EXOC6: variants seen among roughly 807,000 people sequenced by gnomAD.
The protein encoded by EXOC6 is SEC15-like 1.
Under a neutral mutation model 112.5 loss-of-function variants are expected in EXOC6, and 60 were observed. The ratio of observed to expected loss-of-function variants is 0.53; its 90% CI spans 0.43 to 0.66. The LOEUF is 0.66. Ranked by LOEUF, EXOC6 falls within the 30% of genes least tolerant of loss-of-function variation. The pLI is 0.00. For synonymous variants in EXOC6, 295 were observed against 308.0 expected (o/e 0.96, Z 0.44); for missense variants, 855 against 957.1 (o/e 0.89, Z 1.41).
chr10:92,995,902 GTTGT>G (rs1269377357), intron 18 of EXOC6, among the ~76,000 whole-genome samples: 3 of 152,144 alleles, frequency 2.0e-5, no homozygotes, highest in East Asian at 1.9e-4. Flanking sequence ...CATTCAAAAA[GTTGT>G]TTGTTTCTAG....
At chr10:92,850,609 GT>G (rs1329506383) in intron 1 of EXOC6, among the ~76,000 whole-genome samples, 1 of 152,048 alleles carries the variant, frequency 6.6e-6, no homozygotes, top group African/African-American at 2.4e-5. Flanking sequence ...AAGTAAAATA[GT>G]GTAATGAACC....
intron 1 of EXOC6, among the ~76,000 whole-genome samples, chr10:92,859,820 CAT>C (rs761256156): frequency 0.032 from 3,309 of 103,456 alleles, 95 homozygotes; most frequent in Admixed American, 0.11. Flanking sequence ...CGTTTGTGTG[CAT>C]GTGTGTGTGT....
chr10:93,027,921 G>A (rs1189065021), intron 20 of EXOC6, among the ~76,000 whole-genome samples: 1 of 152,172 alleles, frequency 6.6e-6, no homozygotes, highest in Non-Finnish European at 1.5e-5. Context: ...AAAGGCTACA[G>A]CTACCATAGA....
intron 17 of EXOC6, among the ~76,000 whole-genome samples, chr10:92,958,484 T>G (rs149966149): frequency 0.015 from 2,236 of 152,094 alleles, 51 homozygotes; most frequent in African/African-American, 0.052. Flanking sequence ...CTAACTTGCC[T>G]TTTTTTTGTT....
intron 1 of EXOC6, among the ~76,000 whole-genome samples, chr10:92,879,717 TTA>T (rs1848856465): frequency 6.6e-6 from 1 of 152,184 alleles, no homozygotes; most frequent in Non-Finnish European, 1.5e-5. Flanking sequence ...TATGTAACTT[TTA>T]TATATTTATT....
chr10:92,877,541 A>G (rs1848734873), intron 1 of EXOC6, among the ~76,000 whole-genome samples: 1 of 152,178 alleles, frequency 6.6e-6, no homozygotes, highest in Admixed American at 6.6e-5. Flanking sequence ...ATACAGATGG[A>G]AAAAGATGAT....
Position 92,955,948 on chromosome 10 carries a change from T to A in EXOC6, c.1773+234T>A, listed in dbSNP as rs372438173. ...TACAGTGTATTATGCTTTGTTCATG[T>A]TTTGATGATTTATAGTAGTGCTGAC... On this transcript the variant is annotated intron_variant, in intron 17 of 21. Coordinates refer to ENST00000260762, the MANE Select transcript of EXOC6 (RefSeq NM_019053.6). 7.2e-5 allele frequency among the ~76,000 whole-genome samples: 11 copies of A among 152,258 alleles called. No individual in the cohort carries two copies. The South Asian group carries it at 2.1e-3, about 29-fold the overall frequency.
intron 19 of EXOC6, among the ~76,000 whole-genome samples, chr10:93,003,256 A>G (rs1431930096): frequency 1.3e-5 from 2 of 152,162 alleles, no homozygotes; most frequent in East Asian, 3.9e-4. Context: ...GTCAATCTGC[A>G]GGTAGAAACA....
chr10:92,962,871 A>G (rs1854090305), intron 17 of EXOC6, among the ~76,000 whole-genome samples: 1 of 152,190 alleles, frequency 6.6e-6, no homozygotes, highest in Non-Finnish European at 1.5e-5. Context: ...GTTTTTCTAA[A>G]TGTTTCGAAT....
chr10:92,848,948 C>T lies in EXOC6; in HGVS notation c.101+314C>T, dbSNP rs559375983. Among the ~76,000 whole-genome samples the T allele has an allele frequency of 4.9e-4, 74 of 152,230 alleles. No individual in the cohort carries two copies. In the South Asian group the frequency reaches 8.1e-3, roughly 17 times the overall value. On this transcript the variant is annotated intron_variant, in intron 1 of 21. Transcript: ENST00000260762. ...CCCCGCGTTCTCCTCCTGGCTGCGG[C>T]CCCCGGGCCCGAGGACACTTCTGGG...
chr10:92,996,012 T>C (rs1399958247), intron 18 of EXOC6, among the ~76,000 whole-genome samples: 1 of 152,210 alleles, frequency 6.6e-6, no homozygotes, highest in Non-Finnish European at 1.5e-5. Flanking sequence ...CAACCCTATG[T>C]AATATGTTTT....
chr10:93,037,561 T>C (rs1845567927), intron 20 of EXOC6, among the ~76,000 whole-genome samples: 2 of 151,474 alleles, frequency 1.3e-5, no homozygotes, highest in Non-Finnish European at 2.9e-5. Flanking sequence ...TGCCTCAGCC[T>C]CCTGAGTAGC....
intron 18 of EXOC6, among the ~76,000 whole-genome samples, chr10:92,988,800 T>TACACACACACACACACACAC (rs67242778): frequency 1.4e-3 from 196 of 143,080 alleles, no homozygotes; most frequent in African/African-American, 4.8e-3. Context: ...CTACAAAAAA[T>TACACACACACACACACACAC]ACACACACAC....
chr10:92,940,697 T>C, intron 12 of EXOC6, 30 bp from the exon 13 acceptor site: 1 of 1,395,492 alleles, frequency 7.2e-7, no homozygotes, highest in Non-Finnish European at 9.9e-7. Context: ...TACACTTGTT[T>C]ATCTGCTTTT....
intron 1 of EXOC6, among the ~76,000 whole-genome samples, chr10:92,840,279 C>G (rs897162857): frequency 6.6e-6 from 1 of 152,018 alleles, no homozygotes; most frequent in African/African-American, 2.4e-5. Flanking sequence ...CTTATTTTAT[C>G]AAGTATATTC....
At chr10:92,949,419 G>A (rs1853255726) in intron 14 of EXOC6, among the ~76,000 whole-genome samples, 2 of 151,520 alleles carry the variant, frequency 1.3e-5, no homozygotes, top group Non-Finnish European at 2.9e-5. Context: ...TTCTAATTCT[G>A]TATTTTTTGA....
At chr10:92,937,923 CCA>C (rs1852442449) in intron 12 of EXOC6, among the ~76,000 whole-genome samples, 1 of 152,116 alleles carries the variant, frequency 6.6e-6, no homozygotes, top group Admixed American at 6.6e-5. Context: ...TCTGTTAGAT[CCA>C]TAACAAAAAG....
rs142431940 is a variant in EXOC6 at position 92,854,327 on chromosome 10, C to T, written c.101+5693C>T. ...TAGCACACGCCTGTAGTCCCAGCTA[C>T]TTGGGAGGCTGAGGCAGGGGAATCA... On this transcript the variant is annotated intron_variant, in intron 1 of 21. Coordinates refer to ENST00000260762, the MANE Select transcript of EXOC6 (RefSeq NM_019053.6). 2.6e-4 allele frequency among the ~76,000 whole-genome samples: 40 copies of T among 151,770 alleles called. 1 individual carries two copies. In the East Asian group the frequency reaches 7.8e-3, roughly 30 times the overall value.
intron 1 of EXOC6, among the ~76,000 whole-genome samples, chr10:92,885,535 C>T (rs962685999): frequency 5.9e-5 from 9 of 152,096 alleles, no homozygotes; most frequent in African/African-American, 1.9e-4. Context: ...TGCATCACCA[C>T]GCCTGGCTAA....
Sources: allele counts gnomAD v4.1 joint callset (sites outside exome capture counted in the v4.1 genomes callset), GRCh38; gene constraint gnomAD v4.1.1; transcripts MANE v1.5; gene names NCBI Gene and HGNC (gene_info 2026-07-23, HGNC 2026-07-21).